The following FBXO15 variants were observed in gnomAD, a reference collection of about 807,000 sequenced individuals.
The protein encoded by FBXO15 is F-box protein 15.
FBXO15 carries 30 observed loss-of-function variants against 49.5 expected under a neutral mutation model. The ratio of observed to expected loss-of-function variants is 0.61; its 90% CI spans 0.45 to 0.82. FBXO15 has a LOEUF of 0.82. Among genes scored for constraint, FBXO15 ranks in the 40% least tolerant of loss-of-function variants. The probability of loss-of-function intolerance (pLI) is 0.00; values close to 1 mark genes in which losing one functional copy is unlikely to be tolerated. For missense variants in FBXO15, 591 were observed against 631.5 expected, an observed-to-expected ratio of 0.94 and a Z score of 0.69; for synonymous variants, 250 against 232.7, an observed-to-expected ratio of 1.07 and a Z score of -0.68.
intron 8 of FBXO15, chr18:74,123,015 G>A (rs1002250050): frequency 4.8e-5 from 9 of 185,720 alleles, no homozygotes; most frequent in Non-Finnish European, 8.8e-5. Flanking sequence ...GGAGCGGCAC[G>A]GGCCCTGCTG....
At chr18:74,129,727 A>G in intron 4 of FBXO15, 113 bp from the exon 5 acceptor site, 2 of 826,458 alleles carry the variant, frequency 2.4e-6, no homozygotes, top group Non-Finnish European at 3.7e-6. Context: ...GCCAAAGTCA[A>G]AATTCTCAGA....
intron 8 of FBXO15, chr18:74,122,638 T>A (rs1403256581): frequency 6.6e-6 from 1 of 152,244 alleles, no homozygotes; most frequent in African/African-American, 2.4e-5. Context: ...GTGGTCACCA[T>A]CTTAACCAGA....
rs1017118811 is a variant in FBXO15, at chr18:74,139,480, T to A, written c.227+722A>T. Among the ~76,000 whole-genome samples the A allele has an allele frequency of 3.9e-5, 6 of 152,366 alleles. No homozygotes were observed. The East Asian group carries it at 5.8e-4, about 15-fold the overall frequency. The stretch of plus-strand genomic sequence containing the variant: ...ATGAAATATCCTTTCTGGCTTTTTT[T>A]AAAATACACTGAAATGTGTATACAG... On this transcript the variant is annotated intron_variant, in intron 2 of 9. Coordinates refer to ENST00000419743, the MANE Select transcript of FBXO15 (RefSeq NM_001142958.2).
chr18:74,131,768 A>G (rs4132689), intron 3 of FBXO15, among the ~76,000 whole-genome samples: 11 of 152,222 alleles, frequency 7.2e-5, no homozygotes, highest in African/African-American at 2.4e-4. Flanking sequence ...AGGTCTCCAC[A>G]TTACTACTCA....
chr18:74,147,833 G>GT lies in FBXO15; in HGVS notation c.-49dup. ...GACCGCGCCAGGGCTGAAACGAAGA[G>GT]TGCACGCACCGCCCCCACGCCCGCA... On this transcript the variant is annotated 5_prime_UTR_variant, in exon 1 of 10. Coordinates refer to ENST00000419743, the MANE Select transcript of FBXO15 (RefSeq NM_001142958.2). 7.0e-7 allele frequency: 1 copy of GT among 1,430,156 alleles called. No individual in the cohort carries two copies. The highest frequency in any genetic ancestry group is 9.2e-7 in the Non-Finnish European group (1 of 1,087,636). The allele number at this position is 1,430,156 out of a possible 1,614,324, so 88.6% of individuals were successfully genotyped here.
chr18:74,101,228 C>G (rs1568164551), intron 8 of FBXO15, among the ~76,000 whole-genome samples: 1 of 152,070 alleles, frequency 6.6e-6, no homozygotes, highest in African/African-American at 2.4e-5. Flanking sequence ...GGGTTTCATA[C>G]CAGGGATGCA....
At chr18:74,126,372 A>G (rs1327112284) in intron 5 of FBXO15, among the ~76,000 whole-genome samples, 2 of 152,228 alleles carry the variant, frequency 1.3e-5, no homozygotes, top group Non-Finnish European at 2.9e-5. Flanking sequence ...AAGGACCAGG[A>G]AAGTGATGAA....
chr18:74,126,646 A>C lies in FBXO15; in HGVS notation c.786-545T>G, dbSNP rs114147885. On this transcript the variant is annotated intron_variant, in intron 5 of 9. Transcript: ENST00000419743. ...AAACTAAATCACCAGTGTTTTCATAAAGGAGACACTAACACAGCATTAGAC... is the reference window on the plus strand; with the variant it reads ...AAACTAAATCACCAGTGTTTTCATACAGGAGACACTAACACAGCATTAGAC... Among the ~76,000 whole-genome samples, 237 of 152,352 alleles carry C rather than the reference A, an allele frequency of 1.6e-3. 1 individual carries two copies. Among genetic ancestry groups the C allele is most frequent in the African/African-American group, 5.5e-3 (229 of 41,582 alleles).
At chr18:74,130,854 A>C in intron 3 of FBXO15, 196 bp from the exon 4 acceptor site, 1 of 553,448 alleles carries the variant, frequency 1.8e-6, no homozygotes, top group Non-Finnish European at 3.0e-6. Flanking sequence ...ACACCACCAA[A>C]AACACATTTT....
rs1456195571 is a variant in FBXO15 at position 74,082,038 on chromosome 18, A to G, written c.1152T>C (p.Asn384=). 6.2e-7 allele frequency: 1 copy of G among 1,610,926 alleles called. No individual in the cohort carries two copies. Among genetic ancestry groups the G allele is most frequent in the Non-Finnish European group, 8.5e-7 (1 of 1,179,076 alleles). The part of the protein sequence containing the change: ...NLFTKRGNIE[N]GHVKLIVIHL... ...GTATAACAATGAGCTTCACATGTCCATTTTCAATATTTCCTGAAAAGATAT... is the reference window on the plus strand; with the variant it reads ...GTATAACAATGAGCTTCACATGTCCGTTTTCAATATTTCCTGAAAAGATAT... The change falls in exon 9 of 10, where the codon AAT becomes AAC. Residue 384 remains asparagine, a synonymous_variant. Coordinates refer to ENST00000419743, the MANE Select transcript of FBXO15 (RefSeq NM_001142958.2).
At chr18:74,096,298 G>GT (rs1236925170) in intron 8 of FBXO15, among the ~76,000 whole-genome samples, 1 of 152,106 alleles carries the variant, frequency 6.6e-6, no homozygotes, top group Non-Finnish European at 1.5e-5. Context: ...TGGCTGTTCA[G>GT]TAGCACCACA....
intron 8 of FBXO15, among the ~76,000 whole-genome samples, chr18:74,096,710 G>T (rs1009254701): frequency 6.6e-6 from 1 of 151,316 alleles, no homozygotes; most frequent in African/African-American, 2.4e-5. Context: ...ACAAGATGGC[G>T]ATATGTGAGC....
chr18:74,075,589 C>T lies in FBXO15; in HGVS notation c.1264-1859G>A, dbSNP rs755672385. Among the ~76,000 whole-genome samples, 31 of 152,208 alleles carry T rather than the reference C, an allele frequency of 2.0e-4. No homozygotes were observed. The highest frequency in any genetic ancestry group is 7.5e-4 in the African/African-American group (31 of 41,454). On this transcript the variant is annotated intron_variant, in intron 9 of 9. Coordinates refer to ENST00000419743, the MANE Select transcript of FBXO15 (RefSeq NM_001142958.2). The surrounding 1 kb of genome is among the most constrained non-coding windows in gnomAD (Gnocchi z 4.1). ...TCTCCGCTGGATTTGTCCATTAATA[C>T]CCATTCACTCATCAAACCACTCTGG...
At position 74,082,063 on chromosome 18, in the gene FBXO15, T is replaced by C. The variant is rs764696090; in HGVS notation, c.1139-12A>G. 3 of 1,608,408 alleles carry C rather than the reference T, an allele frequency of 1.9e-6. No homozygotes were observed. The highest frequency in any genetic ancestry group is 2.5e-6 in the Non-Finnish European group (3 of 1,178,192). ...ATTTTCAATATTTCCTGAAAAGATATAAGATTGTTTCAATCACTGTCTTCC... is the reference window on the plus strand; with the variant it reads ...ATTTTCAATATTTCCTGAAAAGATACAAGATTGTTTCAATCACTGTCTTCC... On this transcript the variant is annotated splice_polypyrimidine_tract_variant and intron_variant, in intron 8 of 9. Coordinates refer to ENST00000419743, the MANE Select transcript of FBXO15 (RefSeq NM_001142958.2).
intron 8 of FBXO15, among the ~76,000 whole-genome samples, chr18:74,082,663 C>T (rs1371105747): frequency 6.6e-6 from 1 of 152,160 alleles, no homozygotes; most frequent in Non-Finnish European, 1.5e-5. Context: ...GCACACTAGC[C>T]CTGCTGCCAC....
chr18:74,103,315 C>T (rs1262535717), intron 8 of FBXO15, among the ~76,000 whole-genome samples: 1 of 151,048 alleles, frequency 6.6e-6, no homozygotes, highest in Non-Finnish European at 1.5e-5. Flanking sequence ...TTTGAAAACA[C>T]TTAGTCAGAG....
chr18:74,138,048 T>A (rs1005450543), intron 2 of FBXO15, among the ~76,000 whole-genome samples: 4 of 152,062 alleles, frequency 2.6e-5, no homozygotes. Flanking sequence ...GGTTCCTGCC[T>A]CCCTCTTCCA....
At chr18:74,147,541 C>T (rs933258860) in intron 1 of FBXO15, 129 bp downstream of exon 1, 1 of 1,287,606 alleles carries the variant, frequency 7.8e-7, no homozygotes, top group East Asian at 3.1e-5. Context: ...TCTTCCATAC[C>T]CTTCTCACGT....
At chr18:74,129,651 A>AT in intron 4 of FBXO15, 37 bp from the exon 5 acceptor site, 1 of 1,529,770 alleles carries the variant, frequency 6.5e-7, no homozygotes, top group Non-Finnish European at 8.9e-7. Flanking sequence ...TGTTTGCCTC[A>AT]TTGAAAAAAA....
Sources: gnomAD v4.1 joint callset for allele counts (sites outside exome capture counted in the v4.1 genomes callset) on GRCh38, gnomAD v4.1.1 for gene constraint, Gnocchi (gnomAD v3.1) non-coding constraint, MANE v1.5 for transcripts, NCBI Gene and HGNC (gene_info 2026-07-23, HGNC 2026-07-21) for gene names.